TMPRSS13: variants seen among roughly 807,000 people sequenced by gnomAD.
TMPRSS13 encodes transmembrane protease serine 13.
Under a neutral mutation model 68.4 loss-of-function variants are expected in TMPRSS13, and 50 were observed. The ratio of observed to expected loss-of-function variants is 0.73; its 90% CI spans 0.58 to 0.93. The LOEUF is 0.93. TMPRSS13 is among the 40% of genes least tolerant of loss of function. The probability of loss-of-function intolerance (pLI) is 0.00; values close to 1 mark genes in which losing one functional copy is unlikely to be tolerated. For missense variants in TMPRSS13, 615 were observed against 729.2 expected (o/e 0.84, Z 1.80); for synonymous variants, 267 against 285.8 (o/e 0.93, Z 0.66).
rs2057491585 is a variant in TMPRSS13 at position 117,908,852 on chromosome 11, CT to C, written c.1110-69del. 6.2e-6 allele frequency: 9 copies of C among 1,446,106 alleles called. No homozygotes were observed. In the Admixed American group the frequency reaches 1.9e-4, roughly 31 times the overall value. The allele number at this position is 1,446,106 out of a possible 1,614,324, so 89.6% of individuals were successfully genotyped here. A position where few individuals can be genotyped will look rare whatever the true frequency, so the allele number is the denominator to read the frequency against. ...AGCGTTCACTGGCAGCCCCTGCTACCTACAGGGAGCCACAGTCAGAGCACCA... is the reference window on the plus strand; with the variant it reads ...AGCGTTCACTGGCAGCCCCTGCTACCACAGGGAGCCACAGTCAGAGCACCA... On this transcript the variant is annotated intron_variant, in intron 8 of 12. Coordinates refer to ENST00000524993, the MANE Select transcript of TMPRSS13 (RefSeq NM_001077263.3).
rs1256958796 is a variant in TMPRSS13 at position 117,908,803 on chromosome 11, A to G, written c.1110-19T>C. 1.9e-6 allele frequency: 3 copies of G among 1,582,286 alleles called. No individual in the cohort carries two copies. Among genetic ancestry groups the G allele is most frequent in the African/African-American group, 1.3e-5 (1 of 74,782 alleles). On this transcript the variant is annotated intron_variant, in intron 8 of 12. Transcript: ENST00000524993. ...CCGGGTCCTGCAAGAGCCACAAAGGAGCGTGGTCCAGTACCTGCCTGGCAG... is the reference window on the plus strand; with the variant it reads ...CCGGGTCCTGCAAGAGCCACAAAGGGGCGTGGTCCAGTACCTGCCTGGCAG...
chr11:117,903,927 G>A (rs1164987481), intron 11 of TMPRSS13, 32 bp downstream of exon 11: 1 of 1,605,560 alleles, frequency 6.2e-7, no homozygotes, highest in Non-Finnish European at 8.5e-7. Context: ...CCAGGGTGCT[G>A]GGACCTGAGC....
At chr11:117,927,748 C>T (rs1224898914) in intron 1 of TMPRSS13, among the ~76,000 whole-genome samples, 1 of 152,224 alleles carries the variant, frequency 6.6e-6, no homozygotes, top group Non-Finnish European at 1.5e-5. Context: ...GGCTCACTCT[C>T]TCAGAGTTCC....
At chr11:117,916,443 C>T (rs2057579005) in intron 3 of TMPRSS13, among the ~76,000 whole-genome samples, 1 of 152,260 alleles carries the variant, frequency 6.6e-6, no homozygotes, top group Non-Finnish European at 1.5e-5. Context: ...GTCATCCCCT[C>T]CTCATAGTCA....
At chr11:117,907,239 C>G (rs1228216877) in intron 9 of TMPRSS13, among the ~76,000 whole-genome samples, 1 of 152,054 alleles carries the variant, frequency 6.6e-6, no homozygotes, top group East Asian at 1.9e-4. Context: ...AGCGGCAGGG[C>G]AGGAGGTAGC....
intron 12 of TMPRSS13, 133 bp from the exon 13 acceptor site, chr11:117,902,398 C>A: frequency 1.1e-6 from 1 of 912,820 alleles, no homozygotes; most frequent in Non-Finnish European, 1.8e-6. Flanking sequence ...GGAGGGAGAG[C>A]AAAGGGAAAG....
chr11:117,906,011 T>C (rs900722128), intron 9 of TMPRSS13, among the ~76,000 whole-genome samples: 2 of 152,220 alleles, frequency 1.3e-5, no homozygotes, highest in Non-Finnish European at 2.9e-5. Flanking sequence ...GCGTAAGCCT[T>C]GGAAGCTCCC....
At chr11:117,928,779 A>G (rs2057731719) in intron 1 of TMPRSS13, among the ~76,000 whole-genome samples, 2 of 152,336 alleles carry the variant, frequency 1.3e-5, no homozygotes, top group Non-Finnish European at 2.9e-5. Flanking sequence ...GAAGTGACCA[A>G]CGGAGGTTGA....
At chr11:117,928,965 G>A (rs995352217) in intron 1 of TMPRSS13, among the ~76,000 whole-genome samples, 1 of 152,186 alleles carries the variant, frequency 6.6e-6, no homozygotes, top group Admixed American at 6.5e-5. Context: ...AATCGGCAAA[G>A]TTGGTGCTGT....
At chr11:117,923,142 G>A (rs1180784761) in intron 1 of TMPRSS13, among the ~76,000 whole-genome samples, 1 of 152,204 alleles carries the variant, frequency 6.6e-6, no homozygotes, top group Non-Finnish European at 1.5e-5. Context: ...CAGACTGAGA[G>A]GTAGAGGCCC....
intron 12 of TMPRSS13, among the ~76,000 whole-genome samples, chr11:117,902,504 G>A (rs542824543): frequency 3.9e-4 from 60 of 152,356 alleles, no homozygotes; most frequent in African/African-American, 1.4e-3. Context: ...AGGCAGAGAA[G>A]GGGAGGGCTG....
chr11:117,926,378 G>T (rs1269524279), intron 1 of TMPRSS13, among the ~76,000 whole-genome samples: 1 of 152,180 alleles, frequency 6.6e-6, no homozygotes, highest in African/African-American at 2.4e-5. Context: ...TTGACCCGCG[G>T]GTGAGCCATC....
chr11:117,908,955 C>A (rs775869340), intron 8 of TMPRSS13, among the ~76,000 whole-genome samples, 171 bp from the exon 9 acceptor site: 21 of 152,184 alleles, frequency 1.4e-4, no homozygotes, highest in Non-Finnish European at 2.9e-4. Flanking sequence ...AAAGCAATCC[C>A]CCACAGCCCC....
intron 9 of TMPRSS13, chr11:117,908,396 G>A (rs2057484762): frequency 3.2e-6 from 2 of 618,780 alleles, no homozygotes; most frequent in Non-Finnish European, 5.7e-6. Flanking sequence ...AATGTGAGAT[G>A]TGTCATTTGG....
chr11:117,928,740 C>T (rs1356916091), intron 1 of TMPRSS13, among the ~76,000 whole-genome samples: 1 of 152,080 alleles, frequency 6.6e-6, no homozygotes, highest in African/African-American at 2.4e-5. Flanking sequence ...GAAGCACTTC[C>T]CAAGCATGAA....
chr11:117,910,697 A>G lies in TMPRSS13; in HGVS notation c.946+10T>C, dbSNP rs1013810024. The stretch of plus-strand genomic sequence containing the variant: ...ACACTGGCCACAATCCAAGAAGAAG[A>G]ACATCTTACGGGAACACTGGAGAGA... On this transcript the variant is annotated intron_variant, in intron 7 of 12. Coordinates refer to ENST00000524993, the MANE Select transcript of TMPRSS13 (RefSeq NM_001077263.3). The G allele has an allele frequency of 6.2e-7, 1 of 1,606,912 alleles. No individual in the cohort carries two copies. The highest frequency in any genetic ancestry group is 1.3e-5 in the African/African-American group (1 of 74,716).
intron 1 of TMPRSS13, among the ~76,000 whole-genome samples, chr11:117,921,368 G>A (rs897391564): frequency 2.0e-5 from 3 of 152,184 alleles, no homozygotes; most frequent in African/African-American, 7.2e-5. Flanking sequence ...AGGACCCGGG[G>A]CTCAGAGAGA....
rs2057514733 is a variant in TMPRSS13, at chr11:117,910,726, A to G, written c.927T>C (p.Tyr309=). The G allele has an allele frequency of 6.2e-7, 1 of 1,608,820 alleles. No individual in the cohort carries two copies. Among genetic ancestry groups the G allele is most frequent in the African/African-American group, 1.3e-5 (1 of 74,804 alleles). The change falls in exon 7 of 13, where the codon TAT becomes TAC. Residue 309 remains tyrosine (Y), a synonymous_variant. Coordinates refer to ENST00000524993, the MANE Select transcript of TMPRSS13 (RefSeq NM_001077263.3). ...TCTTACGGGAACACTGGAGAGAGAT[A>G]TACCGCTGGGAAGGGCATTCAGACC... The part of the protein sequence containing the change: ...LHRSECPSQR[Y]ISLQCSHCGL...
chr11:117,927,460 C>T (rs942737760), intron 1 of TMPRSS13, among the ~76,000 whole-genome samples: 5 of 152,222 alleles, frequency 3.3e-5, no homozygotes, highest in African/African-American at 1.2e-4. Context: ...ATGCAACTTT[C>T]TTTTGAATAT....
Sources: allele counts gnomAD v4.1 joint callset (sites outside exome capture counted in the v4.1 genomes callset), GRCh38; gene constraint gnomAD v4.1.1; transcripts MANE v1.5; gene names NCBI Gene and HGNC (gene_info 2026-07-23, HGNC 2026-07-21).